Variants in XRCC4 observed in about 807,000 individuals in gnomAD.
The protein encoded by XRCC4 is X-ray repair cross complementing 4.
Under a neutral mutation model 39.1 loss-of-function variants are expected in XRCC4, and 28 were observed. That is an observed-to-expected ratio of 0.72 (90% confidence interval 0.53 to 0.98). The LOEUF (loss-of-function observed/expected upper bound fraction) is 0.98, where lower values mean the gene tolerates loss of function less well. Among genes scored for constraint, XRCC4 ranks in the 50% least tolerant of loss-of-function variants. The pLI, the probability that XRCC4 is intolerant of heterozygous loss-of-function variation, is 0.00. For synonymous variants in XRCC4, 123 were observed against 126.4 expected (o/e 0.97, Z 0.18); for missense variants, 350 against 376.4 (o/e 0.93, Z 0.58).
intron 6 of XRCC4, among the ~76,000 whole-genome samples, chr5:83,255,934 A>G (rs1212244353): frequency 2.0e-5 from 3 of 152,176 alleles, no homozygotes; most frequent in Admixed American, 6.5e-5. Flanking sequence ...GGATTTTTAC[A>G]CCTTGTCCAT....
At chr5:83,245,035 A>G (rs985083079) in intron 6 of XRCC4, among the ~76,000 whole-genome samples, 1 of 152,198 alleles carries the variant, frequency 6.6e-6, no homozygotes, top group Non-Finnish European at 1.5e-5. Context: ...GCTTGGAACA[A>G]TAATGTAAAC....
rs573870533 is a variant in XRCC4 at position 83,298,162 on chromosome 5, T to C, written c.893+39485T>C. 4.6e-5 allele frequency among the ~76,000 whole-genome samples: 7 copies of C among 151,916 alleles called. No individual in the cohort carries two copies. In the South Asian group the frequency reaches 1.2e-3, roughly 27 times the overall value. ...ATAAATGACAGTATAAATTACACACTGTATGAATCCAGTCCTTTGAAGTTT... is the reference window on the plus strand; with the variant it reads ...ATAAATGACAGTATAAATTACACACCGTATGAATCCAGTCCTTTGAAGTTT... On this transcript the variant is annotated intron_variant, in intron 7 of 7. Coordinates refer to ENST00000396027, the MANE Select transcript of XRCC4 (RefSeq NM_003401.5).
the XRCC4 span, among the ~76,000 whole-genome samples, chr5:83,364,995 G>A: frequency 8.5e-5 from 13 of 152,294 alleles, no homozygotes; most frequent in East Asian, 2.3e-3. Context: ...CTTGCCATAG[G>A]CTTCTAGAAC....
downstream of XRCC4, among the ~76,000 whole-genome samples, chr5:83,358,254 C>T (rs1332284218): frequency 6.6e-6 from 1 of 152,080 alleles, no homozygotes; most frequent in African/African-American, 2.4e-5. Flanking sequence ...ATTAACTGAC[C>T]ATCCACCATC....
intron 6 of XRCC4, among the ~76,000 whole-genome samples, chr5:83,253,907 C>G (rs560515760): frequency 6.6e-6 from 1 of 152,156 alleles, no homozygotes; most frequent in East Asian, 1.9e-4. Flanking sequence ...TGCAGTTCTT[C>G]TGTCAGATGA....
At chr5:83,306,886 C>CAGAA (rs1210083105) in intron 7 of XRCC4, among the ~76,000 whole-genome samples, 1 of 152,102 alleles carries the variant, frequency 6.6e-6, no homozygotes, top group Non-Finnish European at 1.5e-5. Context: ...GAACAGAAAG[C>CAGAA]AGAAAGAAAA....
At chr5:83,221,901 G>T (rs1236954332) in intron 6 of XRCC4, among the ~76,000 whole-genome samples, 2 of 151,824 alleles carry the variant, frequency 1.3e-5, no homozygotes, top group East Asian at 1.9e-4. Context: ...TTGGTGAATT[G>T]ACTTTTTTAT....
intron 1 of XRCC4, among the ~76,000 whole-genome samples, chr5:83,087,652 G>C (rs564435982): frequency 6.6e-6 from 1 of 151,808 alleles, no homozygotes; most frequent in East Asian, 1.9e-4. Context: ...GACAGAGTGA[G>C]ACCCTGTGTC....
intron 7 of XRCC4, among the ~76,000 whole-genome samples, chr5:83,308,870 A>G (rs1755581179): frequency 6.6e-6 from 1 of 152,130 alleles, no homozygotes; most frequent in Non-Finnish European, 1.5e-5. Flanking sequence ...TTTTAATCCA[A>G]ATATCCAAAT....
intron 1 of XRCC4, among the ~76,000 whole-genome samples, chr5:83,084,624 A>G (rs1465037102): frequency 1.3e-5 from 2 of 152,186 alleles, no homozygotes; most frequent in East Asian, 3.9e-4. Flanking sequence ...GTGTTTAAAG[A>G]TGTTGCAAAG....
downstream of XRCC4, among the ~76,000 whole-genome samples, chr5:83,356,438 A>C (rs538872097): frequency 6.6e-6 from 1 of 152,252 alleles, no homozygotes; most frequent in African/African-American, 2.4e-5. Flanking sequence ...CCCAAGTAAT[A>C]ATAACAAGTC....
intron 6 of XRCC4, among the ~76,000 whole-genome samples, chr5:83,225,653 T>A (rs1752260080): frequency 7.0e-6 from 1 of 143,242 alleles, no homozygotes. Flanking sequence ...ATCTCTGGGG[T>A]GAGCTGGAGG....
chr5:83,235,934 C>A (rs1685817866), intron 6 of XRCC4, among the ~76,000 whole-genome samples: 1 of 151,556 alleles, frequency 6.6e-6, no homozygotes, highest in Non-Finnish European at 1.5e-5. Flanking sequence ...AGTGAAAGAT[C>A]TAAAAAAGAA....
intron 3 of XRCC4, among the ~76,000 whole-genome samples, chr5:83,128,896 T>C (rs1053833457): frequency 2.6e-5 from 4 of 152,162 alleles, no homozygotes; most frequent in African/African-American, 9.7e-5. Flanking sequence ...GATGGGTAGA[T>C]TGTAGAAATT....
chr5:83,364,566 A>G, the XRCC4 span, among the ~76,000 whole-genome samples: 1 of 152,216 alleles, frequency 6.6e-6, no homozygotes, highest in African/African-American at 2.4e-5. Flanking sequence ...GCTGAATAGC[A>G]TCATAGAATC....
chr5:83,282,711 A>AGTCCCTGTAGT (rs1280120584), intron 7 of XRCC4, among the ~76,000 whole-genome samples: 1 of 152,024 alleles, frequency 6.6e-6, no homozygotes, highest in African/African-American at 2.4e-5. Flanking sequence ...GCATGGTGGC[A>AGTCCCTGTAGT]GGCGCCTGTA....
chr5:83,175,020 G>A (rs945323765), intron 3 of XRCC4, among the ~76,000 whole-genome samples: 1 of 152,098 alleles, frequency 6.6e-6, no homozygotes, highest in African/African-American at 2.4e-5. Flanking sequence ...ATACATGGTA[G>A]GAACTAAAGA....
chr5:83,179,709 T>C (rs1750123313), intron 3 of XRCC4, among the ~76,000 whole-genome samples: 1 of 152,152 alleles, frequency 6.6e-6, no homozygotes, highest in Non-Finnish European at 1.5e-5. Flanking sequence ...CATCATAAAT[T>C]GTTTCTTCTA....
chr5:83,302,421 A>G (rs1194654270), intron 7 of XRCC4, among the ~76,000 whole-genome samples: 2 of 152,136 alleles, frequency 1.3e-5, no homozygotes, highest in Non-Finnish European at 2.9e-5. Context: ...ACCCTTCCTC[A>G]TGGCTTCCCT....
Sources: gnomAD v4.1 joint callset for allele counts (sites outside exome capture counted in the v4.1 genomes callset) on GRCh38, gnomAD v4.1.1 for gene constraint, MANE v1.5 for transcripts, NCBI Gene and HGNC (gene_info 2026-07-23, HGNC 2026-07-21) for gene names.